The following RARB variants were observed in gnomAD, a reference collection of about 807,000 sequenced individuals.
RARB encodes retinoic acid receptor beta.
In RARB, 17 loss-of-function variants were observed where a neutral mutation model predicts 51.9. That is an observed-to-expected ratio of 0.33 (90% CI 0.22 to 0.49). The LOEUF (loss-of-function observed/expected upper bound fraction) is 0.49, where lower values mean the gene tolerates loss of function less well. Ranked by LOEUF, RARB falls within the 20% of genes least tolerant of loss-of-function variation. RARB has a pLI of 0.99. For synonymous variants in RARB, 215 were observed against 195.4 expected, an observed-to-expected ratio of 1.10 and a Z score of -0.84; for missense variants, 369 against 550.8, an observed-to-expected ratio of 0.67 and a Z score of 3.30.
chr3:25,082,994 T>C (rs1699038358), intron 3 of RARB, among the ~76,000 whole-genome samples: 1 of 152,146 alleles, frequency 6.6e-6, no homozygotes, highest in Admixed American at 6.5e-5. Flanking sequence ...GATGTTCTTA[T>C]ATTGCCTTCT....
intron 5 of RARB, among the ~76,000 whole-genome samples, chr3:25,356,510 TTTTC>T (rs1016190189): frequency 6.8e-5 from 10 of 146,206 alleles, no homozygotes; most frequent in African/African-American, 1.1e-4. Context: ...AGCTTAGATT[TTTTC>T]TTTCTTTTTT....
chr3:24,984,751 C>T (rs1299904633), intron 2 of RARB, among the ~76,000 whole-genome samples: 2 of 86,846 alleles, frequency 2.3e-5, no homozygotes, highest in Non-Finnish European at 4.6e-5. Flanking sequence ...ATGTTATATG[C>T]ACAAAAAAGT....
At chr3:24,919,417 C>T (rs1232527226) in intron 2 of RARB, among the ~76,000 whole-genome samples, 6 of 151,890 alleles carry the variant, frequency 4.0e-5, no homozygotes, top group East Asian at 3.9e-4. Flanking sequence ...TGCCAATCAT[C>T]GAGTTTTGGC....
In RARB at chr3:25,320,072, T is replaced by C. The variant is rs368352496; in HGVS notation, c.179-141121T>C. On this transcript the variant is annotated intron_variant, in intron 5 of 11. Transcript: ENST00000383772. ...ATGGATGTTTTGCCTTTGGATCTTT[T>C]GATGCATCAGTCTAGACCAAGGCAA... is the stretch of plus-strand genomic sequence containing the variant. Among the ~76,000 whole-genome samples, 28 of 151,912 alleles carry C rather than the reference T, an allele frequency of 1.8e-4. No individual in the cohort carries two copies. In the South Asian group the frequency reaches 5.4e-3, roughly 29 times the overall value.
chr3:24,945,479 T>C (rs1337024278), intron 2 of RARB, among the ~76,000 whole-genome samples: 2 of 152,218 alleles, frequency 1.3e-5, no homozygotes, highest in African/African-American at 4.8e-5. Context: ...CTAGCATATC[T>C]TGGGGCCCAC....
chr3:25,580,754 G>A (rs1295748249), intron 5 of RARB, 32 bp downstream of exon 5: 2 of 1,555,330 alleles, frequency 1.3e-6, no homozygotes, highest in South Asian at 1.2e-5. Flanking sequence ...CAATGGGTCT[G>A]GGGAGGGAGA....
intron 1 of RARB, among the ~76,000 whole-genome samples, chr3:25,445,966 G>C (rs1708912569): frequency 6.6e-6 from 1 of 152,150 alleles, no homozygotes; most frequent in South Asian, 2.1e-4. Context: ...ATGGATTAAA[G>C]GTATTAAAAC....
intron 5 of RARB, among the ~76,000 whole-genome samples, chr3:25,381,991 T>A (rs1386594325): frequency 6.6e-6 from 1 of 152,216 alleles, no homozygotes; most frequent in Non-Finnish European, 1.5e-5. Context: ...CGAGCCATTG[T>A]AAAGTCCACG....
At chr3:25,216,858 T>C (rs1437475800) in intron 5 of RARB, among the ~76,000 whole-genome samples, 1 of 152,054 alleles carries the variant, frequency 6.6e-6, no homozygotes, top group Non-Finnish European at 1.5e-5. Flanking sequence ...GTTGAAGAAA[T>C]CAGATCATCT....
At chr3:24,906,944 T>C (rs1694880553) in intron 2 of RARB, among the ~76,000 whole-genome samples, 1 of 150,736 alleles carries the variant, frequency 6.6e-6, no homozygotes, top group Non-Finnish European at 1.5e-5. Context: ...TGTTGTTGGA[T>C]CAAGTTAAAA....
chr3:25,569,369 A>G (rs1257005529), intron 3 of RARB, among the ~76,000 whole-genome samples: 1 of 152,240 alleles, frequency 6.6e-6, no homozygotes, highest in East Asian at 1.9e-4. Context: ...GGCTTTGTTC[A>G]GAGACCTGAC....
chr3:25,255,031 C>G (rs574360692), intron 5 of RARB, among the ~76,000 whole-genome samples: 10 of 152,252 alleles, frequency 6.6e-5, no homozygotes, highest in African/African-American at 2.4e-4. Flanking sequence ...CTTTCTGTGT[C>G]TAAACTAGGG....
intron 5 of RARB, among the ~76,000 whole-genome samples, chr3:25,585,337 G>A (rs904356212): frequency 3.9e-5 from 6 of 152,178 alleles, no homozygotes; most frequent in South Asian, 2.1e-4. Flanking sequence ...CAAGGGGAAG[G>A]CAAAGACCCA....
chr3:25,479,808 G>A (rs1313432614), intron 2 of RARB, among the ~76,000 whole-genome samples: 4 of 152,132 alleles, frequency 2.6e-5, no homozygotes, highest in African/African-American at 4.8e-5. Flanking sequence ...TCTTCTACTG[G>A]ATGTTTTTGA....
intron 5 of RARB, among the ~76,000 whole-genome samples, chr3:25,176,544 C>T (rs1700758148): frequency 1.3e-5 from 2 of 151,202 alleles, no homozygotes; most frequent in Non-Finnish European, 2.9e-5. Flanking sequence ...TACAGGCACG[C>T]ACCACCACAC....
chr3:25,352,073 G>C (rs1705590166), intron 5 of RARB, among the ~76,000 whole-genome samples: 1 of 152,188 alleles, frequency 6.6e-6, no homozygotes, highest in Non-Finnish European at 1.5e-5. Context: ...AACCAGCTGT[G>C]AGTTAGTGAA....
intron 6 of RARB, 106 bp from the exon 7 acceptor site, chr3:25,594,414 G>A: frequency 8.2e-7 from 1 of 1,216,912 alleles, no homozygotes; most frequent in Non-Finnish European, 1.1e-6. Flanking sequence ...GTATGTAATT[G>A]AATTACCAAA....
At chr3:25,180,665 G>A (rs1210088655) in intron 5 of RARB, among the ~76,000 whole-genome samples, 1 of 152,128 alleles carries the variant, frequency 6.6e-6, no homozygotes, top group Admixed American at 6.6e-5. Flanking sequence ...GTGATGCAGC[G>A]ACTCATTCTG....
intron 1 of RARB, among the ~76,000 whole-genome samples, chr3:25,445,877 G>A (rs1030366616): frequency 6.6e-6 from 1 of 152,254 alleles, no homozygotes; most frequent in South Asian, 2.1e-4. Context: ...AATATTAAGT[G>A]ACATACCAGG....
Sources: allele counts gnomAD v4.1 joint callset (sites outside exome capture counted in the v4.1 genomes callset), GRCh38; gene constraint gnomAD v4.1.1; transcripts MANE v1.5; gene names NCBI Gene and HGNC (gene_info 2026-07-23, HGNC 2026-07-21).